Variants in MAPRE2 observed in about 807,000 individuals in gnomAD.
MAPRE2 encodes microtubule-associated protein RP/EB family member 2.
MAPRE2 carries 13 observed loss-of-function variants against 43.2 expected under a neutral mutation model. The observed-to-expected ratio is 0.30, with a 90% confidence interval of 0.20 to 0.48. The LOEUF (loss-of-function observed/expected upper bound fraction) is 0.48. Among genes scored for constraint, MAPRE2 ranks in the 20% least tolerant of loss-of-function variants. MAPRE2 has a pLI of 0.99. For synonymous variants in MAPRE2, 135 were observed against 148.8 expected (o/e 0.91, Z 0.68); for missense variants, 161 against 400.2 (o/e 0.40, Z 5.10).
chr18:35,018,020 G>C (rs2097039539), intron 2 of MAPRE2, among the ~76,000 whole-genome samples: 2 of 151,868 alleles, frequency 1.3e-5, no homozygotes, highest in Non-Finnish European at 2.9e-5. Flanking sequence ...ATCATAAAAG[G>C]ATGTTGGATT....
chr18:35,055,131 TCCAGGGCTCCCATAACAAATTA>T (rs1465684271), intron 1 of MAPRE2, among the ~76,000 whole-genome samples: 1 of 152,212 alleles, frequency 6.6e-6, no homozygotes, highest in Non-Finnish European at 1.5e-5. Flanking sequence ...ATATTAGTTT[TCCAGGGCTCCCATAACAAATTA>T]CCACAAACCG....
intron 2 of MAPRE2, among the ~76,000 whole-genome samples, chr18:35,072,607 T>G (rs1244221350): frequency 6.6e-6 from 1 of 152,242 alleles, no homozygotes; most frequent in Non-Finnish European, 1.5e-5. Flanking sequence ...GTAAATGTAT[T>G]TATAAGCAAT....
intron 1 of MAPRE2, among the ~76,000 whole-genome samples, chr18:35,063,555 G>T (rs1603396469): frequency 6.6e-6 from 1 of 152,186 alleles, no homozygotes; most frequent in African/African-American, 2.4e-5. Context: ...CTCCAAGTGG[G>T]TTTGGTATAA....
At chr18:34,999,872 G>A (rs964458438) in intron 1 of MAPRE2, among the ~76,000 whole-genome samples, 2 of 152,086 alleles carry the variant, frequency 1.3e-5, no homozygotes, top group African/African-American at 4.8e-5. Flanking sequence ...GCACAGGAGA[G>A]GGGAGGCAGT....
intron 2 of MAPRE2, among the ~76,000 whole-genome samples, chr18:35,007,248 T>C (rs998136592): frequency 6.6e-6 from 1 of 152,206 alleles, no homozygotes; most frequent in African/African-American, 2.4e-5. Flanking sequence ...CAAGTCTGTG[T>C]TCCTGGAAAA....
intron 1 of MAPRE2, among the ~76,000 whole-genome samples, chr18:35,003,505 T>C (rs2097030365): frequency 6.6e-6 from 1 of 152,220 alleles, no homozygotes; most frequent in South Asian, 2.1e-4. Context: ...GCATAAGGTG[T>C]TCAATAAATA....
chr18:35,051,896 A>G (rs1218760280), intron 1 of MAPRE2, among the ~76,000 whole-genome samples: 1 of 152,246 alleles, frequency 6.6e-6, no homozygotes, highest in Non-Finnish European at 1.5e-5. Flanking sequence ...AAAGAATGTT[A>G]GCTAGTATTA....
chr18:34,980,175 A>G (rs2097015454), intron 1 of MAPRE2, among the ~76,000 whole-genome samples: 1 of 151,188 alleles, frequency 6.6e-6, no homozygotes. Context: ...ACAGGCACAC[A>G]TCATCATGCC....
chr18:35,076,041 T>C (rs2144116313), intron 2 of MAPRE2, among the ~76,000 whole-genome samples: 1 of 152,364 alleles, frequency 6.6e-6, no homozygotes, highest in East Asian at 1.9e-4. Flanking sequence ...ACCATGGTGG[T>C]GAAAAGTGTG....
chr18:35,008,886 A>G (rs2097033051), intron 2 of MAPRE2, among the ~76,000 whole-genome samples: 1 of 152,154 alleles, frequency 6.6e-6, no homozygotes, highest in Non-Finnish European at 1.5e-5. Flanking sequence ...GAAAGCATTT[A>G]ATTTATTCAA....
Position 35,140,447 on chromosome 18 carries a change from A to G in MAPRE2, c.*78A>G, listed in dbSNP as rs1267779571. ...GAGAATTGGAACATGTGTGGCCCCA[A>G]GCTCAACAGAAACCAGTTGTTCCCA... On this transcript the variant is annotated 3_prime_UTR_variant, in exon 7 of 7. Transcript: ENST00000300249. 2 of 1,357,888 alleles carry G rather than the reference A, an allele frequency of 1.5e-6. No individual in the cohort carries two copies. The highest frequency in any genetic ancestry group is 1.4e-5 in the African/African-American group (1 of 69,244). The allele number at this position is 1,357,888 out of a possible 1,614,324, so 84.1% of individuals were successfully genotyped here.
intron 2 of MAPRE2, among the ~76,000 whole-genome samples, chr18:35,092,832 G>A (rs1164874415): frequency 2.6e-5 from 4 of 152,300 alleles, no homozygotes; most frequent in African/African-American, 9.6e-5. Context: ...CACAGGTATA[G>A]GAGAAAATGT....
At chr18:34,999,102 C>T (rs917753290) in intron 1 of MAPRE2, among the ~76,000 whole-genome samples, 3 of 152,126 alleles carry the variant, frequency 2.0e-5, no homozygotes, top group African/African-American at 7.2e-5. Flanking sequence ...AATGAAACCT[C>T]TCTCTGTGCT....
rs1465013953 is a variant in MAPRE2 at position 35,122,668 on chromosome 18, CAT to C, written c.611-4279_611-4278del. 3.9e-5 allele frequency among the ~76,000 whole-genome samples: 6 copies of C among 152,330 alleles called. No individual in the cohort carries two copies. In the East Asian group the frequency reaches 7.7e-4, roughly 20 times the overall value. ...GGGCAGAAGCGGTGCTTCCATCCCA[CAT>C]GTGTGTAGGTGGTGGAGCAGCAGAG... On this transcript the variant is annotated intron_variant, in intron 4 of 6. Transcript: ENST00000300249.
At chr18:35,109,892 C>G (rs1909097221) in intron 4 of MAPRE2, among the ~76,000 whole-genome samples, 1 of 152,018 alleles carries the variant, frequency 6.6e-6, no homozygotes, top group Non-Finnish European at 1.5e-5. Context: ...CCCTCTGTTT[C>G]TTGTTTTGTT....
chr18:35,070,382 A>AT, intron 2 of MAPRE2, 60 bp downstream of exon 2: 1 of 1,410,446 alleles, frequency 7.1e-7, no homozygotes, highest in South Asian at 1.6e-5. Context: ...GTGGAATGTG[A>AT]TTTTATGAAC....
chr18:35,046,759 G>C (rs1905642608), intron 1 of MAPRE2, among the ~76,000 whole-genome samples: 1 of 152,222 alleles, frequency 6.6e-6, no homozygotes, highest in Non-Finnish European at 1.5e-5. Context: ...AATGTGCAGA[G>C]ATCAGGACTA....
chr18:35,131,175 G>A (rs972738896), intron 5 of MAPRE2, among the ~76,000 whole-genome samples: 1 of 152,180 alleles, frequency 6.6e-6, no homozygotes, highest in African/African-American at 2.4e-5. Flanking sequence ...GTCTAATGTG[G>A]CTCAGTATCA....
intron 2 of MAPRE2, among the ~76,000 whole-genome samples, chr18:35,075,765 G>A (rs892553568): frequency 6.6e-6 from 1 of 151,838 alleles, no homozygotes; most frequent in Non-Finnish European, 1.5e-5. Flanking sequence ...AAAAAAAAAA[G>A]AGTTGGATAA....
Sources: allele counts gnomAD v4.1 joint callset (sites outside exome capture counted in the v4.1 genomes callset), GRCh38; gene constraint gnomAD v4.1.1; transcripts MANE v1.5; gene names NCBI Gene and HGNC (gene_info 2026-07-23, HGNC 2026-07-21).